The following FRMD5 variants were observed in gnomAD, a reference collection of about 807,000 sequenced individuals.
FRMD5 encodes FERM domain containing 5.
Under a neutral mutation model 69.0 loss-of-function variants are expected in FRMD5, and 20 were observed. The ratio of observed to expected loss-of-function variants is 0.29; its 90% CI spans 0.20 to 0.42. The LOEUF (loss-of-function observed/expected upper bound fraction) is 0.42. FRMD5 is among the 10% of genes least tolerant of loss of function. FRMD5 has a pLI of 1.00. For synonymous variants in FRMD5, 271 were observed against 260.1 expected (o/e 1.04, Z -0.40); for missense variants, 595 against 708.6 (o/e 0.84, Z 1.82).
rs546289929 is a variant in FRMD5, at chr15:44,048,971, G to C, written c.103-124662C>G. ...CTTTGTACTTCTTGGCGGAAAGGCA[G>C]CATGCATTATTGCTGTTGCCTACAG... On this transcript the variant is annotated intron_variant, in intron 1 of 13. Transcript: ENST00000417257. Among the ~76,000 whole-genome samples, 25 of 152,282 alleles carry C rather than the reference G, an allele frequency of 1.6e-4. 1 individual carries two copies. In the South Asian group the frequency reaches 4.8e-3, roughly 29 times the overall value.
intron 1 of FRMD5, among the ~76,000 whole-genome samples, chr15:43,973,581 T>C (rs2090420663): frequency 6.6e-6 from 1 of 151,908 alleles, no homozygotes; most frequent in African/African-American, 2.4e-5. Context: ...TTGGTCAGGC[T>C]GGTCTCGAAC....
At position 43,873,895 on chromosome 15, in the gene FRMD5, A is replaced by G. The variant is rs373069405; in HGVS notation, c.1703T>C (p.Ile568Thr). The G allele has an allele frequency of 8.1e-6, 13 of 1,613,848 alleles. No homozygotes were observed. Among genetic ancestry groups the G allele is most frequent in the African/African-American group, 1.3e-5 (1 of 75,056 alleles). The change falls in exon 14 of 14, where the codon ATT becomes ACT. Residue 568 changes from isoleucine (I) to threonine (T), a missense_variant. Ile to Thr is a moderately conservative substitution (Grantham distance 89). Transcript: ENST00000417257. ...CKIRSVVSLLIDT is the reference protein window; with the variant it reads ...CKIRSVVSLLTDT ...AGGAGTCATGCCTTCTCAGGTGTCA[A>G]TGAGCAGGCTCACCACTGAGCGGAT...
chr15:44,033,428 G>A (rs543586828), intron 1 of FRMD5, among the ~76,000 whole-genome samples: 102 of 152,036 alleles, frequency 6.7e-4, no homozygotes, highest in African/African-American at 2.2e-3. Context: ...ACTGATAAGA[G>A]GCAAATTCTC....
chr15:43,951,828 C>G (rs2090034066), intron 1 of FRMD5, among the ~76,000 whole-genome samples: 2 of 152,110 alleles, frequency 1.3e-5, no homozygotes, highest in African/African-American at 4.8e-5. Context: ...AAGGACTTGC[C>G]TGCTACTTTT....
intron 1 of FRMD5, among the ~76,000 whole-genome samples, chr15:44,071,050 A>G (rs1277975982): frequency 6.6e-6 from 1 of 152,176 alleles, no homozygotes; most frequent in East Asian, 1.9e-4. Context: ...GACCCAAGAC[A>G]CATCTCTCTG....
intron 1 of FRMD5, among the ~76,000 whole-genome samples, chr15:44,184,472 G>A (rs1320279421): frequency 6.6e-6 from 1 of 152,242 alleles, no homozygotes; most frequent in East Asian, 1.9e-4. Context: ...GTTTAAAAAT[G>A]AACTTAAAGT....
At chr15:44,018,174 T>C (rs763450250) in intron 1 of FRMD5, among the ~76,000 whole-genome samples, 1 of 152,190 alleles carries the variant, frequency 6.6e-6, no homozygotes, top group Non-Finnish European at 1.5e-5. Context: ...TTTAATATGG[T>C]TTAGATCAAG....
chr15:44,196,689 ATTTTTT>A (rs374948519), upstream of FRMD5, among the ~76,000 whole-genome samples: 5 of 121,054 alleles, frequency 4.1e-5, no homozygotes, highest in Non-Finnish European at 6.4e-5. Context: ...ATTTTCCCCA[ATTTTTT>A]TTTTTTTTTT....
chr15:44,087,619 C>T (rs578085532), intron 1 of FRMD5, among the ~76,000 whole-genome samples: 3 of 152,180 alleles, frequency 2.0e-5, no homozygotes, highest in Non-Finnish European at 4.4e-5. Context: ...AATAATAGAA[C>T]CCATCCCAAA....
At chr15:43,962,765 G>A (rs1203713701) in intron 1 of FRMD5, among the ~76,000 whole-genome samples, 7 of 152,084 alleles carry the variant, frequency 4.6e-5, no homozygotes, top group African/African-American at 7.2e-5. Context: ...ATCTACAACT[G>A]TCTGATCTTT....
At position 43,996,675 on chromosome 15, in the gene FRMD5, G is replaced by A. The variant is rs190835309; in HGVS notation, c.103-72366C>T. Among the ~76,000 whole-genome samples, 299 of 142,382 alleles carry A rather than the reference G, an allele frequency of 2.1e-3. 3 individuals carry two copies. Among genetic ancestry groups the A allele is most frequent in the African/African-American group, 7.2e-3 (280 of 38,750 alleles). The allele number at this position is 142,382 out of a possible 152,430, so 93.4% of individuals were successfully genotyped here. A position where few individuals can be genotyped will look rare whatever the true frequency, so the allele number is the denominator to read the frequency against. On this transcript the variant is annotated intron_variant, in intron 1 of 13. Transcript: ENST00000417257. ...ATAGATTCTTACTGAATTGATCTGAGTGGGGATTGCCTTTTTTTTTTTTTT... is the reference window on the plus strand; with the variant it reads ...ATAGATTCTTACTGAATTGATCTGAATGGGGATTGCCTTTTTTTTTTTTTT...
chr15:44,018,501 GA>G (rs1448096877), intron 1 of FRMD5, among the ~76,000 whole-genome samples: 2 of 151,982 alleles, frequency 1.3e-5, no homozygotes, highest in Non-Finnish European at 1.5e-5. Context: ...ATAGAACACT[GA>G]AAAAAAGTAT....
intron 1 of FRMD5, among the ~76,000 whole-genome samples, chr15:44,096,982 A>G (rs531062065): frequency 3.7e-4 from 57 of 152,274 alleles, no homozygotes; most frequent in African/African-American, 1.3e-3. Flanking sequence ...CTGCTTTGGA[A>G]AGTACAAAAA....
At position 44,022,857 on chromosome 15, in the gene FRMD5, C is replaced by T. The variant is rs1336725281; in HGVS notation, c.103-98548G>A. 3.9e-5 allele frequency among the ~76,000 whole-genome samples: 6 copies of T among 151,966 alleles called. No individual in the cohort carries two copies. In the East Asian group the frequency reaches 9.6e-4, roughly 24 times the overall value. ...TAGCACTATTTCCACAGCTGCATAC[C>T]GTTTTTCATATAGTCAAGTAACTAT... On this transcript the variant is annotated intron_variant, in intron 1 of 13. Transcript: ENST00000417257.
rs989038044 is a variant in FRMD5 at position 44,152,586 on chromosome 15, T to C, written c.102+42367A>G. 9.7e-4 allele frequency among the ~76,000 whole-genome samples: 147 copies of C among 152,226 alleles called. 3 individuals are homozygous for C. Among genetic ancestry groups the C allele is most frequent in the Non-Finnish European group, 2.6e-4 (18 of 68,032 alleles). ...TGGGAAAAAGCTCCACCAGATTTGATTGTGAGCTAAGTTGCTCTAATCTCT... is the reference window on the plus strand; with the variant it reads ...TGGGAAAAAGCTCCACCAGATTTGACTGTGAGCTAAGTTGCTCTAATCTCT... On this transcript the variant is annotated intron_variant, in intron 1 of 13. Transcript: ENST00000417257.
intron 1 of FRMD5, among the ~76,000 whole-genome samples, chr15:43,950,563 C>A (rs996565373): frequency 6.6e-6 from 1 of 152,196 alleles, no homozygotes. Flanking sequence ...AGAGAGACAC[C>A]GACTGAGCCT....
At chr15:44,140,461 T>A (rs2077252955) in intron 1 of FRMD5, among the ~76,000 whole-genome samples, 1 of 152,082 alleles carries the variant, frequency 6.6e-6, no homozygotes, top group African/African-American at 2.4e-5. Flanking sequence ...CCACCACTTC[T>A]AAACAACATT....
chr15:43,940,653 G>A (rs1044460180), intron 1 of FRMD5, among the ~76,000 whole-genome samples: 6 of 152,132 alleles, frequency 3.9e-5, no homozygotes, highest in East Asian at 1.9e-4. Flanking sequence ...AGAACTAGTC[G>A]GGAAATCACT....
At chr15:44,152,094 C>A (rs746058252) in intron 1 of FRMD5, among the ~76,000 whole-genome samples, 4 of 152,154 alleles carry the variant, frequency 2.6e-5, no homozygotes, top group Non-Finnish European at 5.9e-5. Context: ...CCTGTAGTCC[C>A]AGCTACTCAG....
Sources: allele counts gnomAD v4.1 joint callset (sites outside exome capture counted in the v4.1 genomes callset), GRCh38; gene constraint gnomAD v4.1.1; transcripts MANE v1.5; gene names NCBI Gene and HGNC (gene_info 2026-07-23, HGNC 2026-07-21).